SIMC1: variants seen among roughly 807,000 people sequenced by gnomAD.
SIMC1 encodes SUMO interacting motifs containing 1, also known as SUMO-interacting motif-containing protein 1.
In SIMC1, 55 loss-of-function variants were observed where a neutral mutation model predicts 82.3. That is an observed-to-expected ratio of 0.67 (90% CI 0.54 to 0.84). SIMC1 has a LOEUF of 0.84. Ranked by LOEUF, SIMC1 falls within the 40% of genes least tolerant of loss-of-function variation. SIMC1 has a pLI of 0.00. For synonymous variants in SIMC1, 353 were observed against 426.3 expected, an observed-to-expected ratio of 0.83 and a Z score of 2.12; for missense variants, 915 against 1,107.2, an observed-to-expected ratio of 0.83 and a Z score of 2.46.
intron 4 of SIMC1, among the ~76,000 whole-genome samples, chr5:176,305,657 G>A (rs1764310992): frequency 8.0e-6 from 1 of 125,310 alleles, no homozygotes; most frequent in Non-Finnish European, 1.7e-5. Context: ...CCCCTACTGG[G>A]AAGTGAGGAG....
At chr5:176,257,993 G>A (rs534018594) in intron 1 of SIMC1, among the ~76,000 whole-genome samples, 42 of 152,286 alleles carry the variant, frequency 2.8e-4, no homozygotes, top group African/African-American at 6.7e-4. Flanking sequence ...GAACCACTAC[G>A]TTAGTTTTAT....
At chr5:176,258,895 C>T (rs557808856) in intron 1 of SIMC1, among the ~76,000 whole-genome samples, 18 of 152,110 alleles carry the variant, frequency 1.2e-4, no homozygotes, top group Admixed American at 2.0e-4. Flanking sequence ...AGTGTTCCTT[C>T]CTGTCTGGTA....
chr5:176,297,774 T>C (rs1344284805), intron 4 of SIMC1, among the ~76,000 whole-genome samples: 1 of 152,170 alleles, frequency 6.6e-6, no homozygotes, highest in Admixed American at 6.6e-5. Context: ...TTTGAAAATA[T>C]ATCCTCATAC....
At position 176,328,460 on chromosome 5, in the gene SIMC1, T is replaced by A. The variant is rs529909769; in HGVS notation, c.2171+3703T>A. Among the ~76,000 whole-genome samples the A allele has an allele frequency of 5.3e-5, 8 of 152,048 alleles. No individual in the cohort carries two copies. The East Asian group carries it at 1.4e-3, about 26-fold the overall frequency. ...AGTGGTGGTGGTGGTGGTAAACACT[T>A]CCCTGAGTATGCCTTTTTGTGTGGC... On this transcript the variant is annotated intron_variant, in intron 7 of 9. Coordinates refer to ENST00000429602, the MANE Select transcript of SIMC1 (RefSeq NM_001308195.2).
intron 2 of SIMC1, 140 bp from the exon 3 acceptor site, chr5:176,294,890 G>A (rs1180438915): frequency 1.2e-5 from 14 of 1,202,682 alleles, no homozygotes; most frequent in Admixed American, 3.0e-5. Context: ...GCATGAACTC[G>A]GGAGGCAGAG....
At chr5:176,334,936 C>T (rs1446931281) in intron 7 of SIMC1, among the ~76,000 whole-genome samples, 1 of 151,464 alleles carries the variant, frequency 6.6e-6, no homozygotes, top group African/African-American at 2.4e-5. Flanking sequence ...ACTAAAAATA[C>T]AAAAATTAGC....
chr5:176,254,842 A>T (rs922829113), intron 1 of SIMC1, among the ~76,000 whole-genome samples: 1 of 152,264 alleles, frequency 6.6e-6, no homozygotes, highest in African/African-American at 2.4e-5. Flanking sequence ...ACTCATGGAT[A>T]GTTTCTGAAT....
At chr5:176,304,857 G>A (rs1289021786) in intron 4 of SIMC1, among the ~76,000 whole-genome samples, 1 of 150,352 alleles carries the variant, frequency 6.7e-6, no homozygotes, top group South Asian at 2.1e-4. Flanking sequence ...GGGATGTGAG[G>A]AGCGCCTCTG....
At chr5:176,248,642 T>C (rs1761534598) in intron 1 of SIMC1, among the ~76,000 whole-genome samples, 1 of 152,210 alleles carries the variant, frequency 6.6e-6, no homozygotes. Flanking sequence ...TCCAATACTA[T>C]GTTGAATGGA....
intron 1 of SIMC1, among the ~76,000 whole-genome samples, chr5:176,249,843 CAA>C (rs66752759): frequency 3.7e-5 from 3 of 81,804 alleles, no homozygotes; most frequent in Admixed American, 1.6e-4. Context: ...GATTCCGTCT[CAA>C]AAAAAAAAAA....
chr5:176,250,256 T>A (rs1761606645), intron 1 of SIMC1, among the ~76,000 whole-genome samples: 1 of 152,238 alleles, frequency 6.6e-6, no homozygotes, highest in African/African-American at 2.4e-5. Flanking sequence ...TTGTTCAGTT[T>A]CCATGTAGTT....
At position 176,345,275 on chromosome 5, in the gene SIMC1, G is replaced by A. The variant is rs1440985386; in HGVS notation, c.2506G>A (p.Asp836Asn). Residue 836 changes from aspartate (D) to asparagine (N), a missense_variant, in exon 10 of 10, where the codon GAC (aspartate) becomes AAC (asparagine). Around this residue, in one of 2 missense-constraint regions of SIMC1, gnomAD observed 902 missense variants for 1,040.3 expected, o/e 0.87. Coordinates refer to ENST00000429602, the MANE Select transcript of SIMC1 (RefSeq NM_001308195.2). ...PQQGDDITVVDVEKQIEAFRS... is the reference protein window; with the variant it reads ...PQQGDDITVVNVEKQIEAFRS... ...GCAAGGAGATGACATCACAGTGGTA[G>A]ACGTAGAGAAGCAGATTGAGGCCTT... 21 of 1,613,894 alleles carry A rather than the reference G, an allele frequency of 1.3e-5. No homozygotes were observed. Among genetic ancestry groups the A allele is most frequent in the Non-Finnish European group, 1.8e-5 (21 of 1,179,894 alleles).
Position 176,345,440 on chromosome 5 carries a change from T to C in SIMC1, c.2671T>C (p.Ser891Pro). 1 of 1,611,926 alleles carries C rather than the reference T, an allele frequency of 6.2e-7. No homozygotes were observed. The highest frequency in any genetic ancestry group is 1.3e-5 in the African/African-American group (1 of 74,868). Residue 891 changes from serine (S) to proline (P), a missense_variant, in exon 10 of 10, where the codon TCC (serine) becomes CCC (proline). Ser to Pro is a moderately conservative substitution (Grantham distance 74). Transcript: ENST00000429602. ...GCCCTTTCAAAAGGGCTGGAGCGGCTCCTGAGGGCCTGCCAAGCACTGAAT... is the reference window on the plus strand; with the variant it reads ...GCCCTTTCAAAAGGGCTGGAGCGGCCCCTGAGGGCCTGCCAAGCACTGAAT... ...AEPFQKGWSG[S>P]
chr5:176,342,461 T>C (rs1314908547), intron 9 of SIMC1, among the ~76,000 whole-genome samples: 1 of 152,198 alleles, frequency 6.6e-6, no homozygotes, highest in Admixed American at 6.5e-5. Context: ...AATGTAATTT[T>C]CATTGCCTTC....
At chr5:176,338,345 T>C (rs761145197) in intron 9 of SIMC1, among the ~76,000 whole-genome samples, 3 of 152,000 alleles carry the variant, frequency 2.0e-5, no homozygotes, top group Non-Finnish European at 2.9e-5. Flanking sequence ...AAGTCATAAA[T>C]GGGGAGACGA....
chr5:176,305,031 A>G (rs1348121804), intron 4 of SIMC1, among the ~76,000 whole-genome samples: 3 of 133,826 alleles, frequency 2.2e-5, no homozygotes, highest in African/African-American at 5.7e-5. Context: ...TCCGCCCGGC[A>G]GCCACCCCAT....
Position 176,332,558 on chromosome 5 carries a change from G to T in SIMC1, c.2172-4162G>T, listed in dbSNP as rs368564269. On this transcript the variant is annotated intron_variant, in intron 7 of 9. Coordinates refer to ENST00000429602, the MANE Select transcript of SIMC1 (RefSeq NM_001308195.2). ...ACCCGCCTCAGCCTCCCACAGTGCT[G>T]GGATTACAGACATGAGCCACCGTGC... 6.0e-4 allele frequency among the ~76,000 whole-genome samples: 91 copies of T among 152,186 alleles called. 1 individual carries two copies. In the East Asian group the frequency reaches 0.016, roughly 26 times the overall value.
intron 1 of SIMC1, among the ~76,000 whole-genome samples, chr5:176,252,782 G>C (rs1449162615): frequency 2.6e-5 from 4 of 152,246 alleles, no homozygotes. Context: ...GGGGGGCCAA[G>C]GCAGGCGGCT....
At chr5:176,300,306 G>A (rs1346027872) in intron 4 of SIMC1, among the ~76,000 whole-genome samples, 2 of 152,078 alleles carry the variant, frequency 1.3e-5, no homozygotes, top group Non-Finnish European at 2.9e-5. Flanking sequence ...ACTAAGATAT[G>A]GGGTTTTTAA....
Sources: gnomAD v4.1 joint callset for allele counts (sites outside exome capture counted in the v4.1 genomes callset) on GRCh38, gnomAD v4.1.1 for gene constraint, gnomAD v4.1.1 regional missense constraint, MANE v1.5 for transcripts, NCBI Gene and HGNC (gene_info 2026-07-23, HGNC 2026-07-21) for gene names.